Variants in LIN7A observed in about 807,000 individuals in gnomAD.
LIN7A encodes lin-7 cell polarity scaffold A, also known as protein lin-7 homolog A.
A neutral mutation model predicts 29.8 loss-of-function variants in LIN7A; 25 were observed. The observed-to-expected ratio is 0.84, with a 90% confidence interval of 0.61 to 1.17. The LOEUF (loss-of-function observed/expected upper bound fraction) is 1.17, where lower values mean the gene tolerates loss of function less well. Ranked by LOEUF, LIN7A falls within the 50% of genes most tolerant of loss-of-function variation. The pLI, the probability that LIN7A is intolerant of heterozygous loss-of-function variation, is 0.00. For missense variants in LIN7A, 239 were observed against 287.0 expected, an observed-to-expected ratio of 0.83 and a Z score of 1.21; for synonymous variants, 118 against 107.5, an observed-to-expected ratio of 1.10 and a Z score of -0.60.
intron 2 of LIN7A, among the ~76,000 whole-genome samples, chr12:80,882,344 G>C: frequency 8.5e-6 from 1 of 117,916 alleles, no homozygotes; most frequent in Non-Finnish European, 1.9e-5. Flanking sequence ...GAGTGCAGTG[G>C]CGGGATCTCG....
intron 5 of LIN7A, among the ~76,000 whole-genome samples, chr12:80,806,910 C>T (rs1871017744): frequency 6.6e-6 from 1 of 152,132 alleles, no homozygotes; most frequent in Non-Finnish European, 1.5e-5. Context: ...TTGCAAGTGC[C>T]ATCTTGGCAG....
intron 5 of LIN7A, among the ~76,000 whole-genome samples, chr12:80,807,133 G>A (rs1871080710): frequency 1.5e-5 from 2 of 134,414 alleles, no homozygotes; most frequent in Admixed American, 8.8e-5. Flanking sequence ...GTGCAGTGGC[G>A]CGATCTTGGC....
At chr12:80,932,133 G>A (rs969341725) in intron 1 of LIN7A, among the ~76,000 whole-genome samples, 1 of 152,178 alleles carries the variant, frequency 6.6e-6, no homozygotes, top group Non-Finnish European at 1.5e-5. Context: ...GCTTGAATCG[G>A]AAGACGCATG....
chr12:80,804,390 T>A (rs1870871104), intron 5 of LIN7A, among the ~76,000 whole-genome samples: 1 of 151,434 alleles, frequency 6.6e-6, no homozygotes, highest in Non-Finnish European at 1.5e-5. Flanking sequence ...TCCCAGCCTC[T>A]GGTAACCATC....
intron 5 of LIN7A, among the ~76,000 whole-genome samples, chr12:80,798,192 C>G (rs192754046): frequency 6.6e-6 from 1 of 152,140 alleles, no homozygotes; most frequent in African/African-American, 2.4e-5. Flanking sequence ...ATAAGGTCAG[C>G]CTGACACCAC....
At chr12:80,901,914 G>A (rs536963721) in intron 1 of LIN7A, among the ~76,000 whole-genome samples, 13 of 152,134 alleles carry the variant, frequency 8.5e-5, no homozygotes, top group Non-Finnish European at 1.9e-4. Context: ...GGGGTAATTA[G>A]AGGGCAAAGT....
At chr12:80,848,349 T>A in intron 2 of LIN7A, 27 bp from the exon 3 acceptor site, 3 of 1,453,812 alleles carry the variant, frequency 2.1e-6, no homozygotes, top group Non-Finnish European at 2.9e-6. Context: ...AAAAGAAGAA[T>A]GTGTAAGAAC....
chr12:80,891,095 C>T (rs1875601488), intron 1 of LIN7A, among the ~76,000 whole-genome samples: 1 of 152,160 alleles, frequency 6.6e-6, no homozygotes, highest in African/African-American at 2.4e-5. Context: ...AGATAGTCGG[C>T]AAGTGCGGTA....
Position 80,854,846 on chromosome 12 carries a change from AACTT to A in LIN7A, c.202-6528_202-6525del, listed in dbSNP as rs140240070. 2.4e-3 allele frequency among the ~76,000 whole-genome samples: 362 copies of A among 152,296 alleles called. 3 individuals carry two copies. The highest frequency in any genetic ancestry group is 6.8e-3 in the Middle Eastern group (2 of 292). ...TTTTAAAGAGATGAAAATATTCAGA[AACTT>A]AATCATGATTTCAGAAGCTAAAAGT... On this transcript the variant is annotated intron_variant, in intron 2 of 5. Transcript: ENST00000552864.
At chr12:80,906,077 TC>T (rs1323324200) in intron 1 of LIN7A, among the ~76,000 whole-genome samples, 9 of 152,158 alleles carry the variant, frequency 5.9e-5, no homozygotes, top group Non-Finnish European at 1.3e-4. Flanking sequence ...ATTGTATACC[TC>T]CATAATAAAA....
At chr12:80,839,560 T>C (rs1226754606) in intron 4 of LIN7A, among the ~76,000 whole-genome samples, 1 of 152,230 alleles carries the variant, frequency 6.6e-6, no homozygotes, top group Non-Finnish European at 1.5e-5. Flanking sequence ...TTGTGAAACT[T>C]AAATCTTGCA....
At chr12:80,909,245 GGTATAGTTGTTCA>G (rs1470572036) in intron 1 of LIN7A, among the ~76,000 whole-genome samples, 1 of 151,992 alleles carries the variant, frequency 6.6e-6, no homozygotes, top group Non-Finnish European at 1.5e-5. Flanking sequence ...GAGTTCCCCT[GGTATAGTTGTTCA>G]GTATCAATTA....
intron 1 of LIN7A, among the ~76,000 whole-genome samples, chr12:80,921,911 T>C (rs981496930): frequency 2.0e-5 from 3 of 152,218 alleles, no homozygotes; most frequent in Non-Finnish European, 4.4e-5. Flanking sequence ...AGGATAGGTC[T>C]GAGAAGCCAG....
chr12:80,795,038 A>C lies in LIN7A; in HGVS notation c.*2689T>G, dbSNP rs186387256. ...ATATCGTAGAAGTTTTTTAAATTAT[A>C]ACGTTTAATACCTAATTTGTTTATT... On this transcript the variant is annotated 3_prime_UTR_variant, in exon 6 of 6. Coordinates refer to ENST00000552864, the MANE Select transcript of LIN7A (RefSeq NM_004664.4). 1.3e-5 allele frequency: 2 copies of C among 152,292 alleles called. No homozygotes were observed. Among genetic ancestry groups the C allele is most frequent in the Non-Finnish European group, 2.9e-5 (2 of 67,998 alleles). 9.4% of individuals were successfully genotyped at this position (152,292 alleles called of 1,614,324 possible). A position where few individuals can be genotyped will look rare whatever the true frequency, so the allele number is the denominator to read the frequency against.
At chr12:80,910,873 G>C (rs1424706529) in intron 1 of LIN7A, among the ~76,000 whole-genome samples, 1 of 152,032 alleles carries the variant, frequency 6.6e-6, no homozygotes, top group Non-Finnish European at 1.5e-5. Flanking sequence ...TCTGGTTTGG[G>C]TATTTGTTAG....
intron 1 of LIN7A, among the ~76,000 whole-genome samples, chr12:80,908,430 C>A (rs1462446310): frequency 2.6e-5 from 4 of 151,816 alleles, no homozygotes; most frequent in Non-Finnish European, 5.9e-5. Flanking sequence ...ATGAATGCCA[C>A]ATTTTAACAT....
chr12:80,845,862 G>A lies in LIN7A; in HGVS notation c.351C>T (p.Gly117=). 6.2e-7 allele frequency: 1 copy of A among 1,613,138 alleles called. No individual in the cohort carries two copies. Among genetic ancestry groups the A allele is most frequent in the African/African-American group, 1.3e-5 (1 of 74,754 alleles). The change falls in exon 4 of 6, where the codon GGC becomes GGT. Residue 117 remains glycine (G), a synonymous_variant. Coordinates refer to ENST00000552864, the MANE Select transcript of LIN7A (RefSeq NM_004664.4). ...TTCCTCCCATCACATTAAAACCAAG[G>A]CCTTCATCAGTCTTTGGCAGTTCAA... ...RVVELPKTDE[G]LGFNVMGGKE...
chr12:80,822,713 A>T (rs1022968625), intron 4 of LIN7A, among the ~76,000 whole-genome samples: 1 of 152,202 alleles, frequency 6.6e-6, no homozygotes. Context: ...ATCAGGAAGG[A>T]AAGCCGAGGG....
rs1872810557 is a variant in LIN7A at position 80,841,392 on chromosome 12, GA to G, written c.483+4337del. 5.3e-5 allele frequency among the ~76,000 whole-genome samples: 8 copies of G among 149,970 alleles called. No individual in the cohort carries two copies. In the South Asian group the frequency reaches 1.3e-3, roughly 24 times the overall value. ...GGAAGGAAGGAAGGAAGGAAGGAAG[GA>G]AGGAAGGAAGGAAGGAGGGAAAGAA... On this transcript the variant is annotated intron_variant, in intron 4 of 5. Coordinates refer to ENST00000552864, the MANE Select transcript of LIN7A (RefSeq NM_004664.4).
Sources: allele counts gnomAD v4.1 joint callset (sites outside exome capture counted in the v4.1 genomes callset), GRCh38; gene constraint gnomAD v4.1.1; transcripts MANE v1.5; gene names NCBI Gene and HGNC (gene_info 2026-07-23, HGNC 2026-07-21).